The following LARGE1 variants were observed in gnomAD, a reference collection of about 807,000 sequenced individuals.
LARGE1 encodes the protein LARGE xylosyl- and glucuronyltransferase 1.
In LARGE1, 43 loss-of-function variants were observed where a neutral mutation model predicts 87.6. The observed-to-expected ratio is 0.49, with a 90% CI of 0.38 to 0.63. LARGE1 has a LOEUF of 0.63. LARGE1 is among the 30% of genes least tolerant of loss of function. The pLI is 0.00. For missense variants in LARGE1, 802 were observed against 1,000.2 expected (o/e 0.80, Z 2.67); for synonymous variants, 434 against 394.6 (o/e 1.10, Z -1.18).
intron 1 of LARGE1, among the ~76,000 whole-genome samples, chr22:33,791,929 C>T (rs371634062): frequency 1.3e-5 from 2 of 152,188 alleles, no homozygotes; most frequent in Non-Finnish European, 2.9e-5. Context: ...AAGACAGGCA[C>T]TTGATAACAT....
rs564741666 is a variant in LARGE1, at chr22:33,745,003, C to A, written c.106+16368G>T. ...TGCAAGTGCTTTAGAGCAGCACACA[C>A]GGCAAAGCCCCACCAAGTGTTAATT... is the stretch of plus-strand genomic sequence containing the variant. On this transcript the variant is annotated intron_variant, in intron 2 of 14. Coordinates refer to ENST00000397394, the MANE Select transcript of LARGE1 (RefSeq NM_133642.5). Among the ~76,000 whole-genome samples, 7 of 152,302 alleles carry A rather than the reference C, an allele frequency of 4.6e-5. No homozygotes were observed. The East Asian group carries it at 1.4e-3, about 29-fold the overall frequency.
intron 2 of LARGE1, among the ~76,000 whole-genome samples, chr22:33,701,581 A>G (rs1464946296): frequency 3.3e-5 from 5 of 152,308 alleles, no homozygotes; most frequent in African/African-American, 7.2e-5. Context: ...TCAGTGTCCA[A>G]TATCATGCTA....
intron 6 of LARGE1, among the ~76,000 whole-genome samples, chr22:33,467,984 T>G (rs1055114247): frequency 2.0e-5 from 3 of 152,194 alleles, no homozygotes; most frequent in Non-Finnish European, 4.4e-5. Flanking sequence ...ACCTCAATGT[T>G]CGGGCAAATC....
At chr22:33,651,969 C>T (rs150653916) in intron 2 of LARGE1, among the ~76,000 whole-genome samples, 235 of 152,186 alleles carry the variant, frequency 1.5e-3, no homozygotes, top group African/African-American at 5.2e-3. Flanking sequence ...GTCAGGAGAT[C>T]GAGACCATCC....
intron 7 of LARGE1, among the ~76,000 whole-genome samples, chr22:33,396,595 G>C (rs531377024): frequency 6.6e-6 from 1 of 151,898 alleles, no homozygotes; most frequent in East Asian, 1.9e-4. Flanking sequence ...AATGGAATGG[G>C]GTGTGGTCAT....
chr22:33,589,229 T>C (rs1602591875), intron 5 of LARGE1, among the ~76,000 whole-genome samples: 1 of 152,336 alleles, frequency 6.6e-6, no homozygotes, highest in East Asian at 1.9e-4. Flanking sequence ...TACTCTCAGG[T>C]TCCTCCTCTG....
intron 5 of LARGE1, among the ~76,000 whole-genome samples, chr22:33,575,197 T>G (rs905002422): frequency 6.6e-6 from 1 of 152,198 alleles, no homozygotes; most frequent in African/African-American, 2.4e-5. Context: ...TCTCAAGGTC[T>G]TCTTGGCTGA....
chr22:33,110,949 TA>T, the LARGE1 span, among the ~76,000 whole-genome samples: 1 of 151,976 alleles, frequency 6.6e-6, no homozygotes, highest in Non-Finnish European at 1.5e-5. Flanking sequence ...GAGGCAGAGG[TA>T]AACAAAAAAG....
intron 5 of LARGE1, among the ~76,000 whole-genome samples, chr22:33,577,597 C>T (rs775281057): frequency 2.6e-5 from 4 of 152,226 alleles, no homozygotes; most frequent in Non-Finnish European, 4.4e-5. Context: ...AGGGCAGCCA[C>T]ATAGGCTGCA....
At chr22:33,733,475 G>A (rs1026759748) in intron 2 of LARGE1, 2 of 152,136 alleles carry the variant, frequency 1.3e-5, no homozygotes, top group African/African-American at 4.8e-5. Flanking sequence ...TATTTACACT[G>A]GGAAATGCAT....
intron 1 of LARGE1, among the ~76,000 whole-genome samples, chr22:33,865,817 A>G (rs2064077715): frequency 7.7e-6 from 1 of 129,920 alleles, no homozygotes; most frequent in Non-Finnish European, 1.6e-5. Flanking sequence ...TAAGCATTCA[A>G]TGTTAGCTGT....
At chr22:33,449,350 A>T (rs1356969300) in intron 6 of LARGE1, among the ~76,000 whole-genome samples, 1 of 152,232 alleles carries the variant, frequency 6.6e-6, no homozygotes, top group Non-Finnish European at 1.5e-5. Context: ...GCAGAAAAGG[A>T]GTATCCCTAG....
At chr22:33,384,768 T>C (rs1411631258) in intron 7 of LARGE1, among the ~76,000 whole-genome samples, 1 of 148,716 alleles carries the variant, frequency 6.7e-6, no homozygotes, top group Non-Finnish European at 1.5e-5. Context: ...ATGTTATGTA[T>C]ATCTCACCAC....
the LARGE1 span, among the ~76,000 whole-genome samples, chr22:33,088,604 A>G: frequency 6.6e-6 from 1 of 152,184 alleles, no homozygotes; most frequent in Non-Finnish European, 1.5e-5. Context: ...GAGCATGTGT[A>G]GGCTCAGTCA....
chr22:33,698,898 T>C (rs1485964787), intron 2 of LARGE1, among the ~76,000 whole-genome samples: 4 of 152,216 alleles, frequency 2.6e-5, no homozygotes, highest in African/African-American at 9.6e-5. Flanking sequence ...CTTACTTTCT[T>C]CCCCGTAACA....
chr22:33,728,406 G>C (rs1042172946), intron 2 of LARGE1, among the ~76,000 whole-genome samples: 1 of 151,842 alleles, frequency 6.6e-6, no homozygotes, highest in African/African-American at 2.4e-5. Context: ...AGGCACGGGG[G>C]TGCATGCCTG....
intron 1 of LARGE1, among the ~76,000 whole-genome samples, chr22:33,780,473 G>A (rs1468278552): frequency 1.3e-5 from 2 of 152,204 alleles, no homozygotes; most frequent in Admixed American, 1.3e-4. Context: ...GCAGCTGGAG[G>A]ATGGACAGCA....
At chr22:33,912,276 T>C (rs898070505) in intron 1 of LARGE1, among the ~76,000 whole-genome samples, 6 of 151,992 alleles carry the variant, frequency 3.9e-5, no homozygotes, top group Non-Finnish European at 5.9e-5. Context: ...TAATAACAAA[T>C]ATGCATTTAA....
the LARGE1 span, among the ~76,000 whole-genome samples, chr22:33,149,424 T>C: frequency 2.0e-5 from 3 of 152,178 alleles, no homozygotes; most frequent in Non-Finnish European, 4.4e-5. Context: ...CTTTCATGAA[T>C]CATGCTTTGG....
Sources: allele counts gnomAD v4.1 joint callset (sites outside exome capture counted in the v4.1 genomes callset), GRCh38; gene constraint gnomAD v4.1.1; transcripts MANE v1.5; gene names NCBI Gene and HGNC (gene_info 2026-07-23, HGNC 2026-07-21).